The following KIF21B variants were observed in gnomAD, a reference collection of about 807,000 sequenced individuals.
KIF21B encodes kinesin family member 21B.
Under a neutral mutation model 192.9 loss-of-function variants are expected in KIF21B, and 85 were observed. That is an observed-to-expected ratio of 0.44 (90% CI 0.37 to 0.53). The LOEUF (loss-of-function observed/expected upper bound fraction) is 0.53, where lower values mean the gene tolerates loss of function less well. KIF21B is among the 20% of genes least tolerant of loss of function. The probability of loss-of-function intolerance (pLI) is 0.00; values close to 1 mark genes in which losing one functional copy is unlikely to be tolerated. For synonymous variants in KIF21B, 832 were observed against 884.6 expected, an observed-to-expected ratio of 0.94 and a Z score of 1.05; for missense variants, 1,716 against 2,194.8, an observed-to-expected ratio of 0.78 and a Z score of 4.36.
intron 34 of KIF21B, 158 bp from the exon 35 acceptor site, chr1:200,973,736 G>T: frequency 6.8e-7 from 1 of 1,476,216 alleles, no homozygotes; most frequent in South Asian, 1.3e-5. Flanking sequence ...GACTGCAGGT[G>T]GTGGGGTGCT....
chr1:201,010,980 T>C (rs1464570313), intron 1 of KIF21B, among the ~76,000 whole-genome samples: 1 of 152,198 alleles, frequency 6.6e-6, no homozygotes, highest in African/African-American at 2.4e-5. Context: ...GTCTGGGCCT[T>C]CTTCAGAAGT....
chr1:200,996,446 C>T, intron 14 of KIF21B, 51 bp from the exon 15 acceptor site: 1 of 1,533,048 alleles, frequency 6.5e-7, no homozygotes, highest in South Asian at 1.1e-5. Context: ...AGGGCTCCCA[C>T]TAAATACAGG....
rs376003259 is a variant in KIF21B, at chr1:200,996,739, C to T, written c.2078-344G>A. ...CAGTGTTGGAGGAAAGAGCTGGGGC[C>T]TGTGGGAAGGGGAAGAGTTTGCAAG... On this transcript the variant is annotated intron_variant, in intron 14 of 34. Coordinates refer to ENST00000461742, the MANE Select transcript of KIF21B (RefSeq NM_001252102.2). Among the ~76,000 whole-genome samples, 9 of 152,240 alleles carry T rather than the reference C, an allele frequency of 5.9e-5. No individual in the cohort carries two copies. The East Asian group carries it at 1.3e-3, about 23-fold the overall frequency.
At chr1:201,022,414 A>T (rs891048209) in intron 1 of KIF21B, among the ~76,000 whole-genome samples, 1 of 152,208 alleles carries the variant, frequency 6.6e-6, no homozygotes, top group Non-Finnish European at 1.5e-5. Flanking sequence ...TGCCGCCAAG[A>T]CACCCCTCTC....
Position 200,991,693 on chromosome 1 carries a change from C to G in KIF21B, c.2418G>C (p.Arg806=), listed in dbSNP as rs748452917. ...TCCTCCTCAGGACCATCTCCTGCTGCCGCTTCTGGGACTCCAGAGCTCGGA... is the reference window on the plus strand; with the variant it reads ...TCCTCCTCAGGACCATCTCCTGCTGGCGCTTCTGGGACTCCAGAGCTCGGA... ...FQIRALESQK[R]QQEMVLRRKT... The change falls in exon 17 of 35, where the codon CGG becomes CGC. Residue 806 remains arginine (R), a synonymous_variant. Transcript: ENST00000461742. The G allele has an allele frequency of 5.6e-6, 9 of 1,614,068 alleles. No individual in the cohort carries two copies. The highest frequency in any genetic ancestry group is 1.1e-5 in the South Asian group (1 of 91,082).
In KIF21B at chr1:200,996,390, T is replaced by C. The variant is rs200201631; in HGVS notation, c.2083A>G (p.Met695Val). ...GCCTTCTCCTCAGTATAGCACTCCATGGTGCCTGAGAGCAAGGAGACGCAG... is the reference window on the plus strand; with the variant it reads ...GCCTTCTCCTCAGTATAGCACTCCACGGTGCCTGAGAGCAAGGAGACGCAG... ...RDRVLQNLST[M>V]ECYTEEKANK... The change falls in exon 15 of 35, where the codon ATG becomes GTG. Residue 695 changes from methionine (M) to valine (V), a missense_variant. By Grantham distance (21) the Met-to-Val change is conservative (BLOSUM62 1). Coordinates refer to ENST00000461742, the MANE Select transcript of KIF21B (RefSeq NM_001252102.2). 1.9e-6 allele frequency: 3 copies of C among 1,613,762 alleles called. No individual in the cohort carries two copies. The highest frequency in any genetic ancestry group is 2.7e-5 in the African/African-American group (2 of 74,900).
In KIF21B at chr1:201,000,468, T is replaced by A. The variant is rs371947852; in HGVS notation, c.1607A>T (p.Asp536Val). 3.1e-6 allele frequency: 5 copies of A among 1,599,178 alleles called. No individual in the cohort carries two copies. In the African/African-American group the frequency reaches 5.4e-5, roughly 17 times the overall value. Residue 536 changes from aspartate to valine, a missense_variant, in exon 11 of 35, where the codon GAT (aspartate) becomes GTT (valine). This residue lies in a region of KIF21B where 1,087 missense variants were observed against 1,316.6 expected (regional missense o/e 0.83). Coordinates refer to ENST00000461742, the MANE Select transcript of KIF21B (RefSeq NM_001252102.2). This position sits in a 1 kb window ranked among gnomAD's most constrained non-coding sequence, Gnocchi z 6.0. ...FGGSPASSME[D>V]ASEVIRRAKQ... The stretch of plus-strand genomic sequence containing the variant: ...GGCCCTGCGGATCACCTCCGAGGCA[T>A]CCTCCATGGAGCTGGCAGGGCTGCC...
At chr1:200,977,183 C>A (rs905534942) in intron 31 of KIF21B, 29 bp downstream of exon 31, 2 of 1,589,004 alleles carry the variant, frequency 1.3e-6, no homozygotes, top group Non-Finnish European at 1.7e-6. Flanking sequence ...AATGCCAAAC[C>A]CTCCTCCCTC....
At chr1:200,994,434 C>G (rs1371560009) in intron 15 of KIF21B, among the ~76,000 whole-genome samples, 1 of 152,188 alleles carries the variant, frequency 6.6e-6, no homozygotes, top group Non-Finnish European at 1.5e-5. Flanking sequence ...AACAGAAAAC[C>G]TAGGCCCCTC....
At chr1:200,993,220 T>C (rs1019236921) in intron 15 of KIF21B, among the ~76,000 whole-genome samples, 2 of 152,252 alleles carry the variant, frequency 1.3e-5, no homozygotes, top group African/African-American at 4.8e-5. Context: ...TGCCTCCCTA[T>C]TCCTGGTGCC....
rs1347376540 is a variant in KIF21B, at chr1:200,971,082, C to G, written c.*2439G>C. The G allele has an allele frequency of 6.5e-6, 1 of 152,884 alleles. No homozygotes were observed. Among genetic ancestry groups the G allele is most frequent in the African/African-American group, 2.4e-5 (1 of 41,478 alleles). 9.5% of individuals were successfully genotyped at this position (152,884 alleles called of 1,614,324 possible). A position where few individuals can be genotyped will look rare whatever the true frequency, so the allele number is the denominator to read the frequency against. ...CCTGCCATTGTGCTCAAATCACAAC[C>G]ATTTTGTGCTTCCAACATTTAGGGT... On this transcript the variant is annotated 3_prime_UTR_variant, in exon 35 of 35. Coordinates refer to ENST00000461742, the MANE Select transcript of KIF21B (RefSeq NM_001252102.2).
In KIF21B at chr1:200,983,048, G is replaced by A. The variant is rs751934405; in HGVS notation, c.3842+8C>T. ...GGGAACCAAACACGAGAGACATTCT[G>A]TGTGTACCTCAGGACCTCCGACAAA... On this transcript the variant is annotated splice_region_variant and intron_variant, in intron 28 of 34. Transcript: ENST00000461742. 4.6e-6 allele frequency: 7 copies of A among 1,535,760 alleles called. No individual in the cohort carries two copies. The Admixed American group carries it at 5.9e-5, about 13-fold the overall frequency.
In KIF21B at chr1:201,005,291, C is replaced by G; in HGVS notation, c.732+17G>C. 2 of 1,564,058 alleles carry G rather than the reference C, an allele frequency of 1.3e-6. No homozygotes were observed. Among genetic ancestry groups the G allele is most frequent in the Non-Finnish European group, 1.7e-6 (2 of 1,155,364 alleles). On this transcript the variant is annotated intron_variant, in intron 5 of 34. Coordinates refer to ENST00000461742, the MANE Select transcript of KIF21B (RefSeq NM_001252102.2). ...CCTGCAGCAAGCTGGCTCCTGGGCC[C>G]CCTGCAGGCTCCTCACCAGGTCGGG...
chr1:201,021,636 G>A (rs1658831719), intron 1 of KIF21B, among the ~76,000 whole-genome samples: 1 of 152,162 alleles, frequency 6.6e-6, no homozygotes. Flanking sequence ...GAGGCTCCCC[G>A]GGTGGGAGTC....
intron 5 of KIF21B, 98 bp from the exon 6 acceptor site, chr1:201,005,031 C>T: frequency 7.3e-7 from 1 of 1,378,602 alleles, no homozygotes; most frequent in Non-Finnish European, 1.0e-6. Flanking sequence ...GGTGGACGGC[C>T]AAGCGCCTTG....
chr1:200,992,798 G>A (rs1404638920), intron 15 of KIF21B, among the ~76,000 whole-genome samples: 2 of 152,234 alleles, frequency 1.3e-5, no homozygotes, highest in African/African-American at 4.8e-5. Flanking sequence ...ACAGGGCTGA[G>A]GTGAAGATCA....
chr1:201,000,259 G>A lies in KIF21B; in HGVS notation c.1685+131C>T, dbSNP rs1657391909. 3.1e-6 allele frequency: 3 copies of A among 961,666 alleles called. No individual in the cohort carries two copies. Among genetic ancestry groups the A allele is most frequent in the African/African-American group, 3.3e-5 (2 of 61,222 alleles). The allele number at this position is 961,666 out of a possible 1,614,324, so 59.6% of individuals were successfully genotyped here. On this transcript the variant is annotated intron_variant, in intron 11 of 34. Transcript: ENST00000461742. This position sits in a 1 kb window ranked among gnomAD's most constrained non-coding sequence, Gnocchi z 6.0. Reference sequence around the variant, plus strand: ...GCCATGAATTCCCAAGCAATACTGAGGCAGCCCCTGGGGCTGGGGGCGTGG... The same window carrying A: ...GCCATGAATTCCCAAGCAATACTGAAGCAGCCCCTGGGGCTGGGGGCGTGG...
chr1:200,990,635 T>G lies in KIF21B; in HGVS notation c.2776A>C (p.Ile926Leu). Residue 926 changes from isoleucine (I) to leucine (L), a missense_variant, in exon 19 of 35, where the codon ATC becomes CTC. By Grantham distance (5) the Ile-to-Leu change is conservative. Around this residue, in one of 3 missense-constraint regions of KIF21B, gnomAD observed 1,087 missense variants for 1,316.6 expected, o/e 0.83. Coordinates refer to ENST00000461742, the MANE Select transcript of KIF21B (RefSeq NM_001252102.2). This position sits in a 1 kb window ranked among gnomAD's most constrained non-coding sequence, Gnocchi z 5.4. ...ACAATGGTCATTCTCTGCATGACGA[T>G]GTCAATGATCCGTCGCTCCAGGGAC... ...WQSLERRIID[I>L]VMQRMTIVNL... The G allele has an allele frequency of 6.2e-7, 1 of 1,614,162 alleles. No individual in the cohort carries two copies.
Position 201,000,082 on chromosome 1 carries a change from G to T in KIF21B, c.1686-118C>A. 1 of 911,128 alleles carries T rather than the reference G, an allele frequency of 1.1e-6. No individual in the cohort carries two copies. Among genetic ancestry groups the T allele is most frequent in the Non-Finnish European group, 1.8e-6 (1 of 570,252 alleles). 56.4% of individuals were successfully genotyped at this position (911,128 alleles called of 1,614,324 possible). On this transcript the variant is annotated intron_variant, in intron 11 of 34. Transcript: ENST00000461742. This position sits in a 1 kb window ranked among gnomAD's most constrained non-coding sequence, Gnocchi z 6.0. Reference sequence around the variant, plus strand: ...CTCACCAGAGGCCGGGGAGAGCACTGGCTCCTACTCTGCAGAGAACCCCAC... The same window carrying T: ...CTCACCAGAGGCCGGGGAGAGCACTTGCTCCTACTCTGCAGAGAACCCCAC...
Sources: gnomAD v4.1 joint callset for allele counts (sites outside exome capture counted in the v4.1 genomes callset) on GRCh38, gnomAD v4.1.1 for gene constraint, gnomAD v4.1.1 regional missense constraint, Gnocchi (gnomAD v3.1) non-coding constraint, MANE v1.5 for transcripts, NCBI Gene and HGNC (gene_info 2026-07-23, HGNC 2026-07-21) for gene names.